Variants in ATP9A observed in about 807,000 individuals in gnomAD.
The protein encoded by ATP9A is probable phospholipid-transporting ATPase IIA.
Under a neutral mutation model 144.1 loss-of-function variants are expected in ATP9A, and 52 were observed. The observed-to-expected ratio is 0.36, with a 90% CI of 0.29 to 0.45. The LOEUF is 0.45. Ranked by LOEUF, ATP9A falls within the 20% of genes least tolerant of loss-of-function variation. The pLI is 1.00. For synonymous variants in ATP9A, 582 were observed against 557.4 expected, an observed-to-expected ratio of 1.04 and a Z score of -0.62; for missense variants, 947 against 1,392.7, an observed-to-expected ratio of 0.68 and a Z score of 5.09.
chr20:51,695,983 T>TCCA, intron 6 of ATP9A, 110 bp downstream of exon 6: 1 of 1,000,768 alleles, frequency 1.0e-6, no homozygotes, highest in East Asian at 2.5e-5. Context: ...TTGATTTGCC[T>TCCA]CCATGGCTCC....
intron 1 of ATP9A, among the ~76,000 whole-genome samples, chr20:51,767,262 G>C (rs2077908906): frequency 6.6e-6 from 1 of 151,950 alleles, no homozygotes; most frequent in Non-Finnish European, 1.5e-5. Context: ...CCAACACCGC[G>C]CTCAGCCTCC....
At chr20:51,695,420 A>G (rs1461805549) in intron 6 of ATP9A, among the ~76,000 whole-genome samples, 2 of 146,796 alleles carry the variant, frequency 1.4e-5, no homozygotes, top group Non-Finnish European at 3.0e-5. Flanking sequence ...CCGAGATCGT[A>G]CCACTACACT....
chr20:51,667,071 C>T (rs1434209779), intron 13 of ATP9A, among the ~76,000 whole-genome samples: 2 of 152,184 alleles, frequency 1.3e-5, no homozygotes, highest in Non-Finnish European at 2.9e-5. Context: ...CCCCACAACA[C>T]ACAGCTGTGT....
chr20:51,766,421 T>C (rs2077903935), intron 1 of ATP9A, among the ~76,000 whole-genome samples: 1 of 152,236 alleles, frequency 6.6e-6, no homozygotes, highest in African/African-American at 2.4e-5. Context: ...TAATTGCTCA[T>C]GGCACAAATT....
intron 14 of ATP9A, among the ~76,000 whole-genome samples, chr20:51,652,281 C>G (rs548313457): frequency 1.3e-5 from 2 of 152,306 alleles, no homozygotes; most frequent in Admixed American, 1.3e-4. Flanking sequence ...AGGCTGTAAT[C>G]GATAGCTGAA....
rs531040695 is a variant in ATP9A, at chr20:51,709,894, T to C, written c.436+3072A>G. On this transcript the variant is annotated intron_variant, in intron 4 of 27. Transcript: ENST00000338821. ...ATACAAGTACTGCTATTATTATTCA[T>C]CATAAAAGGATGTAGCAGGTAGGTA... Among the ~76,000 whole-genome samples, 13 of 152,304 alleles carry C rather than the reference T, an allele frequency of 8.5e-5. No individual in the cohort carries two copies. In the East Asian group the frequency reaches 2.3e-3, roughly 27 times the overall value.
intron 13 of ATP9A, 36 bp downstream of exon 13, chr20:51,669,961 A>C (rs778727527): frequency 6.7e-7 from 1 of 1,500,550 alleles, no homozygotes; most frequent in Admixed American, 1.7e-5. Context: ...AAAAAAGTCA[A>C]AGAATTGTTT....
At chr20:51,741,512 G>A (rs535786801) in intron 1 of ATP9A, among the ~76,000 whole-genome samples, 12 of 150,670 alleles carry the variant, frequency 8.0e-5, no homozygotes, top group Admixed American at 7.9e-4. Flanking sequence ...GGGAGGCTGA[G>A]GTTGCAGTGA....
intron 4 of ATP9A, among the ~76,000 whole-genome samples, chr20:51,711,057 G>A (rs1039859756): frequency 6.6e-6 from 1 of 152,090 alleles, no homozygotes; most frequent in Non-Finnish European, 1.5e-5. Context: ...CACAAAAAAA[G>A]CCCTCCAGAA....
chr20:51,754,659 C>CA (rs1182631736), intron 1 of ATP9A, among the ~76,000 whole-genome samples: 5 of 141,476 alleles, frequency 3.5e-5, no homozygotes, highest in Non-Finnish European at 6.2e-5. Context: ...ACTAAAAATA[C>CA]AAAAAAAATC....
At chr20:51,604,004 C>T (rs2077153347) in intron 27 of ATP9A, among the ~76,000 whole-genome samples, 1 of 152,160 alleles carries the variant, frequency 6.6e-6, no homozygotes, top group Non-Finnish European at 1.5e-5. Context: ...CGGTCTCAAA[C>T]TCCTGACCTC....
intron 17 of ATP9A, among the ~76,000 whole-genome samples, chr20:51,627,240 T>A (rs931037375): frequency 1.3e-5 from 2 of 152,108 alleles, no homozygotes; most frequent in Non-Finnish European, 2.9e-5. Flanking sequence ...CTCCTAGACA[T>A]ATTTTTTGGC....
intron 14 of ATP9A, among the ~76,000 whole-genome samples, chr20:51,648,924 A>G (rs1019450245): frequency 6.6e-6 from 1 of 152,136 alleles, no homozygotes; most frequent in African/African-American, 2.4e-5. Flanking sequence ...AAACATGCTC[A>G]TTTTAATTTT....
intron 4 of ATP9A, among the ~76,000 whole-genome samples, chr20:51,711,892 G>A (rs560630529): frequency 1.9e-4 from 24 of 123,812 alleles, no homozygotes; most frequent in Admixed American, 1.1e-3. Context: ...AGTTTCCCTC[G>A]TCACCCAGGC....
chr20:51,730,145 G>A (rs1601133327), intron 1 of ATP9A, among the ~76,000 whole-genome samples, 167 bp from the exon 2 acceptor site: 1 of 152,244 alleles, frequency 6.6e-6, no homozygotes, highest in African/African-American at 2.4e-5. Context: ...CAGAGCAGAA[G>A]CTCCCACGAA....
At chr20:51,689,033 T>G (rs1568821443) in intron 9 of ATP9A, 31 bp downstream of exon 9, 1 of 1,606,384 alleles carries the variant, frequency 6.2e-7, no homozygotes, top group Non-Finnish European at 8.5e-7. Flanking sequence ...CTTTTCAAAT[T>G]GCTACCACAT....
chr20:51,633,953 C>T (rs567137566), intron 15 of ATP9A, among the ~76,000 whole-genome samples: 1 of 151,930 alleles, frequency 6.6e-6, no homozygotes, highest in African/African-American at 2.4e-5. Flanking sequence ...GTTTTGATCC[C>T]CCTCTTTACC....
In ATP9A at chr20:51,651,655, G is replaced by GT. The variant is rs762921112; in HGVS notation, c.1506+5282dup. ...ATTTTAAAACCTTTTTTGGCCAGGA[G>GT]TGGTGGCTCACGCTTGTAATCCTAG... On this transcript the variant is annotated intron_variant, in intron 14 of 27. Transcript: ENST00000338821. Among the ~76,000 whole-genome samples, 15 of 150,872 alleles carry GT rather than the reference G, an allele frequency of 9.9e-5. No homozygotes were observed. In the East Asian group the frequency reaches 2.9e-3, roughly 29 times the overall value.
chr20:51,675,989 TACAC>T, intron 10 of ATP9A, 139 bp downstream of exon 10: 1 of 575,532 alleles, frequency 1.7e-6, no homozygotes, highest in Non-Finnish European at 3.1e-6. Context: ...ATTTATTGCA[TACAC>T]ACACACACAT....
Sources: allele counts gnomAD v4.1 joint callset (sites outside exome capture counted in the v4.1 genomes callset), GRCh38; gene constraint gnomAD v4.1.1; transcripts MANE v1.5; gene names NCBI Gene and HGNC (gene_info 2026-07-23, HGNC 2026-07-21).